Variants in CSMD2 observed in about 807,000 individuals in gnomAD.
CSMD2 encodes CUB and Sushi multiple domains 2.
CSMD2 carries 130 observed loss-of-function variants against 398.5 expected under a neutral mutation model. The observed-to-expected ratio is 0.33, with a 90% CI of 0.28 to 0.38. The LOEUF (loss-of-function observed/expected upper bound fraction) is 0.38. Among genes scored for constraint, CSMD2 ranks in the 10% least tolerant of loss-of-function variants. The pLI, the probability that CSMD2 is intolerant of heterozygous loss-of-function variation, is 1.00. For missense variants in CSMD2, 3,829 were observed against 4,764.9 expected, an observed-to-expected ratio of 0.80 and a Z score of 5.78; for synonymous variants, 1,828 against 1,908.5, an observed-to-expected ratio of 0.96 and a Z score of 1.10.
In CSMD2 at chr1:33,557,587, T is replaced by C. The variant is rs1658130852; in HGVS notation, c.8743+147A>G. 4 of 744,616 alleles carry C rather than the reference T, an allele frequency of 5.4e-6. No homozygotes were observed. The South Asian group carries it at 8.1e-5, about 15-fold the overall frequency. 46.1% of individuals were successfully genotyped at this position (744,616 alleles called of 1,614,324 possible). ...AAATCCCAGGAGTAGCCAGAGTGAC[T>C]GTCACCATAAGGCAACTCATACATG... On this transcript the variant is annotated intron_variant, in intron 55 of 70. Transcript: ENST00000373381.
At chr1:33,530,910 G>A (rs2148557163) in intron 64 of CSMD2, among the ~76,000 whole-genome samples, 1 of 152,236 alleles carries the variant, frequency 6.6e-6, no homozygotes, top group South Asian at 2.1e-4. Flanking sequence ...ATTAATAGAA[G>A]TAGAGAGTAG....
At chr1:33,691,702 A>G (rs565513949) in intron 25 of CSMD2, among the ~76,000 whole-genome samples, 4 of 152,188 alleles carry the variant, frequency 2.6e-5, no homozygotes, top group Admixed American at 2.6e-4. Context: ...AGCTCTCTAC[A>G]CTGCAAATAA....
At chr1:33,803,997 A>G (rs1376606290) in intron 10 of CSMD2, among the ~76,000 whole-genome samples, 1 of 152,182 alleles carries the variant, frequency 6.6e-6, no homozygotes, top group Non-Finnish European at 1.5e-5. Context: ...CGGGGTTTAA[A>G]TCCCAGTTCT....
intron 13 of CSMD2, among the ~76,000 whole-genome samples, chr1:33,763,143 G>C (rs1401013317): frequency 6.6e-6 from 1 of 152,026 alleles, no homozygotes; most frequent in South Asian, 2.1e-4. Flanking sequence ...TATTAGCTAG[G>C]AAAAAAGTCT....
At chr1:34,131,609 A>C (rs1029073046) in intron 1 of CSMD2, among the ~76,000 whole-genome samples, 1 of 152,136 alleles carries the variant, frequency 6.6e-6, no homozygotes, top group Non-Finnish European at 1.5e-5. Context: ...GATCAGGTTG[A>C]AGCCACAGAC....
intron 6 of CSMD2, among the ~76,000 whole-genome samples, chr1:33,840,469 A>T (rs1288483421): frequency 1.3e-5 from 2 of 151,892 alleles, no homozygotes; most frequent in African/African-American, 2.4e-5. Flanking sequence ...CTCTGTTGAA[A>T]CCCCAACGCA....
intron 66 of CSMD2, 77 bp from the exon 67 acceptor site, chr1:33,523,496 G>T (rs560050966): frequency 7.3e-6 from 5 of 687,348 alleles, no homozygotes; most frequent in African/African-American, 5.4e-5. Flanking sequence ...GTTTGTGGGT[G>T]TAAGTTTCTG....
At chr1:33,989,037 T>TGGATGC (rs1646460617) in intron 3 of CSMD2, among the ~76,000 whole-genome samples, 1 of 44,484 alleles carries the variant, frequency 2.2e-5, no homozygotes, top group African/African-American at 7.6e-5. Flanking sequence ...TATATATATA[T>TGGATGC]ATATATATAT....
chr1:34,068,319 T>C (rs577386523), intron 2 of CSMD2, among the ~76,000 whole-genome samples: 1 of 152,244 alleles, frequency 6.6e-6, no homozygotes, highest in African/African-American at 2.4e-5. Context: ...GCAAGGGATA[T>C]ACTTAAACTT....
intron 10 of CSMD2, 134 bp downstream of exon 10, chr1:33,810,609 T>TTA (rs1553215175): frequency 2.7e-6 from 2 of 731,440 alleles, no homozygotes; most frequent in Non-Finnish European, 4.2e-6. Context: ...TCGATATTAA[T>TTA]AAAAAAAAAA....
chr1:33,768,535 CATGT>C (rs755875946), intron 13 of CSMD2, among the ~76,000 whole-genome samples: 3,295 of 114,612 alleles, frequency 0.029, 81 homozygotes, highest in African/African-American at 0.072. Context: ...TGTGTGCGTG[CATGT>C]GTGTGTGTGT....
chr1:33,933,971 C>A (rs1014820721), intron 4 of CSMD2, among the ~76,000 whole-genome samples: 1 of 151,966 alleles, frequency 6.6e-6, no homozygotes, highest in African/African-American at 2.4e-5. Context: ...GTGTCTGGAC[C>A]CAAGCAGAAA....
chr1:33,780,833 C>G (rs1312181365), intron 12 of CSMD2, among the ~76,000 whole-genome samples: 1 of 152,192 alleles, frequency 6.6e-6, no homozygotes, highest in African/African-American at 2.4e-5. Flanking sequence ...ATCTTAGGAA[C>G]ATGTTAGTGA....
At chr1:33,892,817 A>G (rs950874195) in intron 5 of CSMD2, among the ~76,000 whole-genome samples, 2 of 152,188 alleles carry the variant, frequency 1.3e-5, no homozygotes, top group African/African-American at 2.4e-5. Flanking sequence ...TTTTGCTGTA[A>G]GCAAATTCAG....
intron 2 of CSMD2, among the ~76,000 whole-genome samples, chr1:34,054,449 C>T (rs752424428): frequency 2.0e-5 from 3 of 152,062 alleles, no homozygotes; most frequent in Admixed American, 1.3e-4. Flanking sequence ...TGGCCAGGTG[C>T]GGTGGCTCAT....
Position 33,635,280 on chromosome 1 carries a change from T to C in CSMD2, c.5020A>G (p.Asn1674Asp), listed in dbSNP as rs1557655544. The part of the protein sequence containing the change: ...VGSDGVVLSP[N>D]YPQNYTSGQI... Reference sequence around the variant, plus strand: ...CCACTGGTGTAGTTCTGGGGGTAGTTGGGGGACAAGACCACTCCGTCCGAA... The same window carrying C: ...CCACTGGTGTAGTTCTGGGGGTAGTCGGGGGACAAGACCACTCCGTCCGAA... The change falls in exon 31 of 71, where the codon AAC (asparagine) becomes GAC (aspartate). Residue 1674 changes from asparagine to aspartate, a missense_variant. Asn to Asp is a conservative substitution (Grantham distance 23). Coordinates refer to ENST00000373381, the MANE Select transcript of CSMD2 (RefSeq NM_001281956.2). The surrounding 1 kb of genome is among the most constrained non-coding windows in gnomAD (Gnocchi z 5.0). The C allele has an allele frequency of 6.2e-7, 1 of 1,612,724 alleles. No homozygotes were observed. Among genetic ancestry groups the C allele is most frequent in the Non-Finnish European group, 8.5e-7 (1 of 1,179,394 alleles).
At chr1:33,600,317 G>C (rs1640129070) in intron 44 of CSMD2, 1 of 594,466 alleles carries the variant, frequency 1.7e-6, no homozygotes, top group Non-Finnish European at 3.0e-6. Context: ...GTTTCTCTAG[G>C]CAATTCCACT....
chr1:33,872,103 G>A (rs1923140), intron 5 of CSMD2, among the ~76,000 whole-genome samples: 76,433 of 152,064 alleles, frequency 0.5, 19,188 homozygotes, highest in Non-Finnish European at 0.54. Context: ...TATCATGGAG[G>A]AGGGACATCC....
chr1:33,981,447 A>G (rs1646163334), intron 3 of CSMD2, among the ~76,000 whole-genome samples: 1 of 152,194 alleles, frequency 6.6e-6, no homozygotes, highest in South Asian at 2.1e-4. Flanking sequence ...TTCTAACAAC[A>G]AGACTCATTA....
Sources: allele counts gnomAD v4.1 joint callset (sites outside exome capture counted in the v4.1 genomes callset), GRCh38; gene constraint gnomAD v4.1.1; non-coding constraint Gnocchi (gnomAD v3.1); transcripts MANE v1.5; gene names NCBI Gene and HGNC (gene_info 2026-07-23, HGNC 2026-07-21).